Variants in IFIH1 observed in about 807,000 individuals in gnomAD.
The protein encoded by IFIH1 is interferon induced with helicase C domain 1, also known as interferon-induced helicase C domain-containing protein 1.
Under a neutral mutation model 107.4 loss-of-function variants are expected in IFIH1, and 125 were observed. The ratio of observed to expected loss-of-function variants is 1.16; its 90% CI spans 1.01 to 1.35. IFIH1 has a LOEUF of 1.35. Ranked by LOEUF, IFIH1 falls within the 40% of genes most tolerant of loss-of-function variation. The probability of loss-of-function intolerance (pLI) is 0.00; values close to 1 mark genes in which losing one functional copy is unlikely to be tolerated. For synonymous variants in IFIH1, 458 were observed against 413.2 expected (o/e 1.11, Z -1.31); for missense variants, 1,333 against 1,213.7 (o/e 1.10, Z -1.46).
At chr2:162,313,451 C>T (rs73971820) in intron 1 of IFIH1, among the ~76,000 whole-genome samples, 19,442 of 152,112 alleles carry the variant, frequency 0.13, 2,857 homozygotes, top group African/African-American at 0.33. Flanking sequence ...TTATGAAATA[C>T]GAAATAAAAT....
At chr2:162,269,590 A>G (rs1690994275) in intron 13 of IFIH1, among the ~76,000 whole-genome samples, 1 of 152,244 alleles carries the variant, frequency 6.6e-6, no homozygotes, top group Non-Finnish European at 1.5e-5. Context: ...ACACAACTTC[A>G]CGGTAGAAAA....
At chr2:162,302,947 C>T (rs1459663712) in intron 3 of IFIH1, among the ~76,000 whole-genome samples, 1 of 152,178 alleles carries the variant, frequency 6.6e-6, no homozygotes. Context: ...TTGGATGGAT[C>T]CTCGGATTAC....
intron 5 of IFIH1, among the ~76,000 whole-genome samples, chr2:162,284,944 G>T (rs186813309): frequency 6.6e-6 from 1 of 151,884 alleles, no homozygotes; most frequent in African/African-American, 2.4e-5. Context: ...AAAAGAAGCC[G>T]CACCTTCTGA....
chr2:162,303,177 C>T (rs539248431), intron 3 of IFIH1, among the ~76,000 whole-genome samples: 2 of 152,114 alleles, frequency 1.3e-5, no homozygotes, highest in South Asian at 4.2e-4. Flanking sequence ...TGCAATGGTG[C>T]AATCTTGGCT....
intron 1 of IFIH1, among the ~76,000 whole-genome samples, chr2:162,315,430 C>T (rs556237896): frequency 8.5e-5 from 13 of 152,162 alleles, no homozygotes; most frequent in South Asian, 2.1e-4. Context: ...ATCTCAATTG[C>T]GACATGGGGA....
At chr2:162,284,503 C>T (rs1282125763) in intron 5 of IFIH1, among the ~76,000 whole-genome samples, 1 of 151,874 alleles carries the variant, frequency 6.6e-6, no homozygotes, top group Non-Finnish European at 1.5e-5. Context: ...GATATTTCAC[C>T]AATCCTTTTA....
At chr2:162,306,891 C>T in intron 2 of IFIH1, 36 bp from the exon 3 acceptor site, 1 of 1,599,848 alleles carries the variant, frequency 6.3e-7, no homozygotes. Context: ...AATCATAGTG[C>T]CATACAAGTT....
intron 10 of IFIH1, 110 bp from the exon 11 acceptor site, chr2:162,277,056 A>G: frequency 1.3e-6 from 1 of 744,140 alleles, no homozygotes; most frequent in Non-Finnish European, 2.1e-6. Context: ...TTTATTGATT[A>G]AAAATTAATT....
chr2:162,313,432 T>G (rs73971819), intron 1 of IFIH1, among the ~76,000 whole-genome samples: 5,763 of 152,274 alleles, frequency 0.038, 357 homozygotes, highest in African/African-American at 0.13. Flanking sequence ...TAATACATTG[T>G]TAACTAATTT....
At chr2:162,274,310 A>G (rs1444155880) in intron 11 of IFIH1, among the ~76,000 whole-genome samples, 1 of 152,180 alleles carries the variant, frequency 6.6e-6, no homozygotes, top group Non-Finnish European at 1.5e-5. Context: ...CCCCCACTAC[A>G]TTAACTTCAG....
rs1442987413 is a variant in IFIH1 at position 162,276,902 on chromosome 2, C to T, written c.2089G>A (p.Glu697Lys). 3.7e-6 allele frequency: 6 copies of T among 1,611,334 alleles called. No individual in the cohort carries two copies. The highest frequency in any genetic ancestry group is 2.5e-6 in the Non-Finnish European group (3 of 1,179,232). ...LKRLAENPEY[E>K]NEKLTKLRNT... The stretch of plus-strand genomic sequence containing the variant: ...CTTAATTTGGTCAGCTTTTCATTTT[C>T]ATATTCTGGGTTTTCAGCCAGCCTT... The change falls in exon 11 of 16, where the codon GAA becomes AAA. Residue 697 changes from glutamate to lysine, a missense_variant. Physicochemically the swap from Glu to Lys is moderately conservative, Grantham distance 56. Transcript: ENST00000649979.
chr2:162,279,411 A>G (rs1417669366), intron 8 of IFIH1, among the ~76,000 whole-genome samples: 1 of 152,146 alleles, frequency 6.6e-6, no homozygotes, highest in Non-Finnish European at 1.5e-5. Context: ...ATTTTACAAA[A>G]TAAAGTATTG....
Position 162,310,953 on chromosome 2 carries a change from G to C in IFIH1, c.454-20C>G, listed in dbSNP as rs1377624497. 1.9e-6 allele frequency: 3 copies of C among 1,598,338 alleles called. No homozygotes were observed. The highest frequency in any genetic ancestry group is 2.2e-5 in the South Asian group (2 of 89,642). ...AGCAATCTGTTGTAAGAGAAAATTA[G>C]AATTAAGTAAGATCAAACATCTTCT... On this transcript the variant is annotated intron_variant, in intron 1 of 15. Transcript: ENST00000649979.
intron 2 of IFIH1, 180 bp downstream of exon 2, chr2:162,310,585 T>C (rs1683369414): frequency 3.4e-6 from 2 of 588,126 alleles, no homozygotes; most frequent in South Asian, 4.4e-5. Flanking sequence ...GTTGATATTT[T>C]CCCAGGCATC....
chr2:162,286,750 C>A (rs1350669966), intron 5 of IFIH1, among the ~76,000 whole-genome samples: 1 of 151,842 alleles, frequency 6.6e-6, no homozygotes, highest in Non-Finnish European at 1.5e-5. Context: ...GGATTTGGCA[C>A]TTAAAAGCCT....
chr2:162,311,657 G>T (rs1683386474), intron 1 of IFIH1, among the ~76,000 whole-genome samples: 1 of 151,786 alleles, frequency 6.6e-6, no homozygotes, highest in South Asian at 2.1e-4. Flanking sequence ...GATCTTTTGT[G>T]TAATCATTGT....
Position 162,282,509 on chromosome 2 carries a change from A to G in IFIH1, c.1163T>C (p.Ile388Thr). ...CAGTTGGGTATCACCACTTAATCCA[A>G]TAACACGATACCATTTCTTCAAAAA... ...QPFLKKWYRVIGLSGDTQLKI... is the reference protein window; with the variant it reads ...QPFLKKWYRVTGLSGDTQLKI... The change falls in exon 6 of 16, where the codon ATT becomes ACT. Residue 388 changes from isoleucine (I) to threonine (T), a missense_variant. Coordinates refer to ENST00000649979, the MANE Select transcript of IFIH1 (RefSeq NM_022168.4). 1 of 1,611,974 alleles carries G rather than the reference A, an allele frequency of 6.2e-7. No homozygotes were observed. The highest frequency in any genetic ancestry group is 8.5e-7 in the Non-Finnish European group (1 of 1,178,790).
In IFIH1 at chr2:162,280,261, T is replaced by C. The variant is rs7590692; in HGVS notation, c.1525-149A>G. 38,725 of 600,514 alleles carry C rather than the reference T, an allele frequency of 0.064. 4,547 individuals are homozygous for C. Among genetic ancestry groups the C allele is most frequent in the African/African-American group, 0.32 (17,076 of 53,400 alleles). The allele number at this position is 600,514 out of a possible 1,614,324, so 37.2% of individuals were successfully genotyped here. On this transcript the variant is annotated intron_variant, in intron 7 of 15. Coordinates refer to ENST00000649979, the MANE Select transcript of IFIH1 (RefSeq NM_022168.4). ...AATTTCATGAAAGTAATATGTAGCA[T>C]TGCTTGCTAAATATAGCATTTTAAC...
In IFIH1 at chr2:162,277,675, C is replaced by A. The variant is rs74162084; in HGVS notation, c.1784G>T (p.Arg595Leu). ...ATGTTCTGCACAAACACGTTCTTTGCGATTTCCTTCTTTTGCAGCTGTGAA... is the reference window on the plus strand; with the variant it reads ...ATGTTCTGCACAAACACGTTCTTTGAGATTTCCTTCTTTTGCAGCTGTGAA... ...MEKKAAKEGN[R>L]KERVCAEHLR... Residue 595 changes from arginine (R) to leucine (L), a missense_variant, in exon 10 of 16, where the codon CGC becomes CTC. Physicochemically the swap from Arg to Leu is moderately radical, Grantham distance 102. Coordinates refer to ENST00000649979, the MANE Select transcript of IFIH1 (RefSeq NM_022168.4). 1 of 1,602,402 alleles carries A rather than the reference C, an allele frequency of 6.2e-7. No individual in the cohort carries two copies. The highest frequency in any genetic ancestry group is 1.1e-5 in the South Asian group (1 of 88,722).
Sources: gnomAD v4.1 joint callset for allele counts (sites outside exome capture counted in the v4.1 genomes callset) on GRCh38, gnomAD v4.1.1 for gene constraint, MANE v1.5 for transcripts, NCBI Gene and HGNC (gene_info 2026-07-23, HGNC 2026-07-21) for gene names.